The following LEPR variants were observed in gnomAD, a reference collection of about 807,000 sequenced individuals.
LEPR encodes the protein leptin receptor.
In LEPR, 56 loss-of-function variants were observed where a neutral mutation model predicts 114.7. That is an observed-to-expected ratio of 0.49 (90% CI 0.39 to 0.61). LEPR has a LOEUF of 0.61. Ranked by LOEUF, LEPR falls within the 20% of genes least tolerant of loss-of-function variation. LEPR has a pLI of 0.00. For synonymous variants in LEPR, 443 were observed against 461.4 expected (o/e 0.96, Z 0.51); for missense variants, 1,202 against 1,352.9 (o/e 0.89, Z 1.75).
intron 14 of LEPR, among the ~76,000 whole-genome samples, chr1:65,615,085 G>A (rs1381529979): frequency 6.6e-6 from 1 of 151,938 alleles, no homozygotes; most frequent in Non-Finnish European, 1.5e-5. Flanking sequence ...TTCTTGCGGT[G>A]GCTGCTAAAA....
chr1:65,467,763 C>T (rs1647033521), intron 2 of LEPR, among the ~76,000 whole-genome samples: 1 of 152,204 alleles, frequency 6.6e-6, no homozygotes, highest in Non-Finnish European at 1.5e-5. Flanking sequence ...AGATGCTCCT[C>T]CCCCAGTCAA....
intron 19 of LEPR, among the ~76,000 whole-genome samples, chr1:65,625,210 G>A (rs1298991564): frequency 6.6e-6 from 1 of 152,136 alleles, no homozygotes; most frequent in African/African-American, 2.4e-5. Context: ...GGGTCTGGGA[G>A]AACAGATTTT....
At chr1:65,603,313 C>G (rs1373969913) in intron 10 of LEPR, among the ~76,000 whole-genome samples, 1 of 151,816 alleles carries the variant, frequency 6.6e-6, no homozygotes, top group Non-Finnish European at 1.5e-5. Context: ...TGACCCCTCA[C>G]TCCTCATTTT....
intron 2 of LEPR, among the ~76,000 whole-genome samples, chr1:65,431,064 G>T (rs1464246828): frequency 6.6e-6 from 1 of 152,208 alleles, no homozygotes; most frequent in Non-Finnish European, 1.5e-5. Flanking sequence ...ATTAGCAATG[G>T]TCTTGAACCC....
chr1:65,495,449 A>G (rs1648104731), intron 2 of LEPR, among the ~76,000 whole-genome samples: 1 of 152,190 alleles, frequency 6.6e-6, no homozygotes, highest in Admixed American at 6.5e-5. Flanking sequence ...CACTGTTGGC[A>G]GGAATTTAAA....
At chr1:65,470,141 A>G (rs1250409009) in intron 2 of LEPR, among the ~76,000 whole-genome samples, 3 of 152,216 alleles carry the variant, frequency 2.0e-5, no homozygotes, top group Admixed American at 6.5e-5. Context: ...CCACTGGGCC[A>G]CTAGCTGACC....
chr1:65,505,459 GA>G (rs1310060484), intron 2 of LEPR, among the ~76,000 whole-genome samples: 1 of 152,038 alleles, frequency 6.6e-6, no homozygotes, highest in African/African-American at 2.4e-5. Flanking sequence ...GCCGTTTTTT[GA>G]CCTTGTTTGT....
intron 19 of LEPR, chr1:65,635,296 TA>T (rs146716300): frequency 0.12 from 120,601 of 971,762 alleles, 3,684 homozygotes; most frequent in Non-Finnish European, 0.14. Context: ...CAGCTTTTTT[TA>T]TTTTGCATTT....
intron 14 of LEPR, among the ~76,000 whole-genome samples, chr1:65,615,450 G>C (rs563259565): frequency 6.6e-6 from 1 of 152,092 alleles, no homozygotes; most frequent in African/African-American, 2.4e-5. Context: ...ACACTGTTTT[G>C]ATGGCCTCTG....
chr1:65,490,308 A>C (rs1241399889), intron 2 of LEPR, among the ~76,000 whole-genome samples: 3 of 152,166 alleles, frequency 2.0e-5, no homozygotes, highest in African/African-American at 7.2e-5. Context: ...GAAGTGTTTT[A>C]ATGTGTAATG....
chr1:65,433,527 C>T, intron 2 of LEPR: 1 of 985,422 alleles, frequency 1.0e-6, no homozygotes, highest in South Asian at 4.7e-5. Flanking sequence ...ATTCAAAACA[C>T]TTAATCCTTG....
intron 5 of LEPR, among the ~76,000 whole-genome samples, chr1:65,574,792 G>A (rs2100823652): frequency 6.6e-6 from 1 of 152,308 alleles, no homozygotes; most frequent in South Asian, 2.1e-4. Flanking sequence ...GTCTGAAGGT[G>A]TGAGTAGTGA....
chr1:65,572,516 G>A (rs1398160509), intron 5 of LEPR, 67 bp downstream of exon 5: 9 of 1,437,004 alleles, frequency 6.3e-6, no homozygotes, highest in Non-Finnish European at 8.7e-6. Flanking sequence ...TTCATATACG[G>A]AAGTAGATTA....
chr1:65,612,800 G>A (rs1657260102), intron 14 of LEPR, among the ~76,000 whole-genome samples: 1 of 152,170 alleles, frequency 6.6e-6, no homozygotes, highest in South Asian at 2.1e-4. Flanking sequence ...TGGGTTTGGG[G>A]GAGGAAGATC....
At chr1:65,544,471 A>G (rs975331938) in intron 2 of LEPR, among the ~76,000 whole-genome samples, 2 of 151,966 alleles carry the variant, frequency 1.3e-5, no homozygotes, top group African/African-American at 4.8e-5. Flanking sequence ...AGAACTTCCA[A>G]TACTATGTTG....
intron 2 of LEPR, among the ~76,000 whole-genome samples, chr1:65,540,877 G>C (rs918841910): frequency 6.6e-6 from 1 of 152,132 alleles, no homozygotes; most frequent in African/African-American, 2.4e-5. Flanking sequence ...TGTCACCCAG[G>C]CTAGAGTACA....
intron 2 of LEPR, among the ~76,000 whole-genome samples, chr1:65,544,913 G>A (rs1229714820): frequency 6.0e-5 from 9 of 149,768 alleles, no homozygotes; most frequent in South Asian, 2.1e-4. Flanking sequence ...CCATTAACTC[G>A]TCATTTAGCA....
intron 2 of LEPR, among the ~76,000 whole-genome samples, chr1:65,534,408 A>G (rs1223867439): frequency 2.6e-5 from 4 of 152,302 alleles, no homozygotes; most frequent in African/African-American, 4.8e-5. Flanking sequence ...CTCTCTTGCC[A>G]TATATTGTGA....
chr1:65,614,913 G>A (rs146033102), intron 14 of LEPR, among the ~76,000 whole-genome samples: 85 of 152,046 alleles, frequency 5.6e-4, no homozygotes, highest in African/African-American at 2.0e-3. Flanking sequence ...TTTAGGGTTG[G>A]GGCAGAAAAT....
Sources: allele counts gnomAD v4.1 joint callset (sites outside exome capture counted in the v4.1 genomes callset), GRCh38; gene constraint gnomAD v4.1.1; transcripts MANE v1.5; gene names NCBI Gene and HGNC (gene_info 2026-07-23, HGNC 2026-07-21).